CNTNAP2: variants seen among roughly 807,000 people sequenced by gnomAD.
CNTNAP2 encodes contactin associated protein 2, also known as contactin-associated protein-like 2.
A neutral mutation model predicts 155.2 loss-of-function variants in CNTNAP2; 98 were observed. The ratio of observed to expected loss-of-function variants is 0.63; its 90% confidence interval spans 0.54 to 0.75. The LOEUF is 0.75. CNTNAP2 is among the 30% of genes least tolerant of loss of function. CNTNAP2 has a pLI of 0.00. For synonymous variants in CNTNAP2, 651 were observed against 631.2 expected, an observed-to-expected ratio of 1.03 and a Z score of -0.47; for missense variants, 1,727 against 1,688.1, an observed-to-expected ratio of 1.02 and a Z score of -0.40.
rs532136517 is a variant in CNTNAP2, at chr7:148,267,104, G to A, written c.3453G>A (p.Ser1151=). 1.2e-5 allele frequency: 19 copies of A among 1,614,020 alleles called. No homozygotes were observed. The highest frequency in any genetic ancestry group is 1.1e-4 in the African/African-American group (8 of 75,016). ...ACACCCTCTTCAATTCTCCCAAGTCGCTCTTTCTGGGAAAAGTTATAGGTA... is the reference window on the plus strand; with the variant it reads ...ACACCCTCTTCAATTCTCCCAAGTCACTCTTTCTGGGAAAAGTTATAGGTA... ...SSDTLFNSPK[S]LFLGKVIETG... Residue 1151 remains serine, a synonymous_variant, in exon 21 of 24, where the codon TCG becomes TCA. Transcript: ENST00000361727.
At chr7:147,055,760 C>A (rs1799550532) in intron 4 of CNTNAP2, among the ~76,000 whole-genome samples, 1 of 152,052 alleles carries the variant, frequency 6.6e-6, no homozygotes. Context: ...TCGAATAATT[C>A]TGTGGGTGTA....
At chr7:146,559,745 G>T (rs1018505590) in intron 1 of CNTNAP2, among the ~76,000 whole-genome samples, 1 of 152,020 alleles carries the variant, frequency 6.6e-6, no homozygotes, top group African/African-American at 2.4e-5. Context: ...TCAGCCCATT[G>T]CTAATCATCC....
intron 1 of CNTNAP2, among the ~76,000 whole-genome samples, chr7:146,206,266 T>C (rs1798945175): frequency 1.3e-5 from 2 of 151,916 alleles, no homozygotes; most frequent in African/African-American, 4.8e-5. Flanking sequence ...TAATAATTAA[T>C]CATTGGCCTT....
At chr7:147,297,652 A>G (rs753562885) in intron 8 of CNTNAP2, among the ~76,000 whole-genome samples, 5 of 152,216 alleles carry the variant, frequency 3.3e-5, no homozygotes, top group Non-Finnish European at 1.5e-5. Flanking sequence ...GACTTTAGTC[A>G]GTACTTTTCG....
chr7:148,170,510 A>G (rs1805767034), intron 17 of CNTNAP2, among the ~76,000 whole-genome samples: 1 of 152,228 alleles, frequency 6.6e-6, no homozygotes, highest in Admixed American at 6.5e-5. Context: ...GAAATCCTTC[A>G]AAGTAGTTGT....
chr7:147,493,172 GA>G (rs1798639204), intron 11 of CNTNAP2, among the ~76,000 whole-genome samples: 1 of 152,128 alleles, frequency 6.6e-6, no homozygotes, highest in Admixed American at 6.5e-5. Context: ...GATTCTCAAT[GA>G]AAAGACCATA....
At chr7:147,812,303 A>T (rs1050363799) in intron 13 of CNTNAP2, among the ~76,000 whole-genome samples, 1 of 152,070 alleles carries the variant, frequency 6.6e-6, no homozygotes, top group Non-Finnish European at 1.5e-5. Context: ...TTCGTTGTTG[A>T]TGTTTTACTT....
chr7:146,813,681 G>A (rs1375766100), intron 2 of CNTNAP2, among the ~76,000 whole-genome samples: 3 of 152,146 alleles, frequency 2.0e-5, no homozygotes, highest in Admixed American at 6.6e-5. Context: ...GTTGGAAATG[G>A]ATGATTGTGT....
At chr7:147,125,965 G>A (rs1415356480) in intron 6 of CNTNAP2, among the ~76,000 whole-genome samples, 2 of 152,118 alleles carry the variant, frequency 1.3e-5, no homozygotes, top group African/African-American at 4.8e-5. Flanking sequence ...CTCTATCCCT[G>A]TTGCAAATCA....
At chr7:148,027,776 G>A (rs1257022064) in intron 15 of CNTNAP2, among the ~76,000 whole-genome samples, 1 of 152,138 alleles carries the variant, frequency 6.6e-6, no homozygotes, top group African/African-American at 2.4e-5. Flanking sequence ...GGATTTCATA[G>A]CCTTTCGTGA....
At chr7:146,690,534 T>TAC (rs1800680659) in intron 1 of CNTNAP2, among the ~76,000 whole-genome samples, 1 of 152,156 alleles carries the variant, frequency 6.6e-6, no homozygotes, top group Non-Finnish European at 1.5e-5. Flanking sequence ...ACCAAAGATT[T>TAC]AAATAAATGT....
intron 3 of CNTNAP2, among the ~76,000 whole-genome samples, chr7:146,953,295 T>C (rs1797359981): frequency 6.6e-6 from 1 of 152,040 alleles, no homozygotes. Context: ...TAGTAGAATG[T>C]ATGTGTACTT....
At chr7:148,405,951 G>A (rs1415185554) in intron 22 of CNTNAP2, among the ~76,000 whole-genome samples, 2 of 152,074 alleles carry the variant, frequency 1.3e-5, no homozygotes, top group African/African-American at 4.8e-5. Flanking sequence ...AAAGAAGGTC[G>A]GCCGGGCGCG....
At chr7:147,143,391 A>AT (rs1368983807) in intron 8 of CNTNAP2, among the ~76,000 whole-genome samples, 2 of 152,188 alleles carry the variant, frequency 1.3e-5, no homozygotes, top group Non-Finnish European at 2.9e-5. Flanking sequence ...ATTTTAAATT[A>AT]TTGTTTACAT....
At chr7:146,608,885 C>T (rs1799090082) in intron 1 of CNTNAP2, among the ~76,000 whole-genome samples, 1 of 152,030 alleles carries the variant, frequency 6.6e-6, no homozygotes, top group South Asian at 2.1e-4. Context: ...CTTACTTTCT[C>T]CTAAACTAGT....
Position 147,490,930 on chromosome 7 carries a change from T to A in CNTNAP2, c.1777+4889T>A, listed in dbSNP as rs531529525. ...GGGGGAAGAACCCCTTATAAAACCA[T>A]CATCTCGTGAGAACTCACCCGCTGT... On this transcript the variant is annotated intron_variant, in intron 11 of 23. Coordinates refer to ENST00000361727, the MANE Select transcript of CNTNAP2 (RefSeq NM_014141.6). Among the ~76,000 whole-genome samples, 16 of 152,092 alleles carry A rather than the reference T, an allele frequency of 1.1e-4. No homozygotes were observed. In the South Asian group the frequency reaches 3.3e-3, roughly 32 times the overall value.
At chr7:146,247,941 A>G (rs1799689062) in intron 1 of CNTNAP2, among the ~76,000 whole-genome samples, 1 of 151,190 alleles carries the variant, frequency 6.6e-6, no homozygotes, top group Non-Finnish European at 1.5e-5. Context: ...GCACAGAGAT[A>G]CGAGGTCAGG....
chr7:148,079,354 G>A (rs1302981344), intron 15 of CNTNAP2, among the ~76,000 whole-genome samples: 5 of 152,184 alleles, frequency 3.3e-5, no homozygotes, highest in Admixed American at 2.6e-4. Context: ...TCATGATGTT[G>A]CCCAGATGTC....
intron 13 of CNTNAP2, among the ~76,000 whole-genome samples, chr7:147,900,628 T>G (rs1799852186): frequency 6.6e-6 from 1 of 152,158 alleles, no homozygotes; most frequent in East Asian, 1.9e-4. Flanking sequence ...TGTTTTGTTT[T>G]GTTTTTGAGA....
Sources: gnomAD v4.1 joint callset for allele counts (sites outside exome capture counted in the v4.1 genomes callset) on GRCh38, gnomAD v4.1.1 for gene constraint, MANE v1.5 for transcripts, NCBI Gene and HGNC (gene_info 2026-07-23, HGNC 2026-07-21) for gene names.